TMEM132C: variants seen among roughly 807,000 people sequenced by gnomAD.
TMEM132C encodes the protein protein phosphatase 1, regulatory subunit 152.
Under a neutral mutation model 61.4 loss-of-function variants are expected in TMEM132C, and 29 were observed. That is an observed-to-expected ratio of 0.47 (90% CI 0.35 to 0.64). The LOEUF (loss-of-function observed/expected upper bound fraction) is 0.64. Among genes scored for constraint, TMEM132C ranks in the 30% least tolerant of loss-of-function variants. TMEM132C has a pLI of 0.00. For missense variants in TMEM132C, 1,408 were observed against 1,476.9 expected, an observed-to-expected ratio of 0.95 and a Z score of 0.76; for synonymous variants, 656 against 633.1, an observed-to-expected ratio of 1.04 and a Z score of -0.54.
chr12:128,591,417 C>A (rs552228631), intron 3 of TMEM132C, among the ~76,000 whole-genome samples: 1 of 152,104 alleles, frequency 6.6e-6, no homozygotes, highest in Non-Finnish European at 1.5e-5. Flanking sequence ...TCTGAGGGGT[C>A]GTCCATGCCT....
intron 4 of TMEM132C, among the ~76,000 whole-genome samples, chr12:128,619,528 AGG>A (rs1953937793): frequency 6.6e-6 from 1 of 152,174 alleles, no homozygotes; most frequent in Admixed American, 6.5e-5. Flanking sequence ...CTGATTCCCA[AGG>A]CCACCGTTTT....
In TMEM132C at chr12:128,699,590, T is replaced by C. The variant is rs533037504; in HGVS notation, c.2121+2175T>C. Among the ~76,000 whole-genome samples, 3 of 152,276 alleles carry C rather than the reference T, an allele frequency of 2.0e-5. No individual in the cohort carries two copies. In the East Asian group the frequency reaches 5.8e-4, roughly 29 times the overall value. The stretch of plus-strand genomic sequence containing the variant: ...TGGAGTCTTTCTCATGCTTCCAGTC[T>C]CTCCACCTTCCCCTTCTGTCACCAG... On this transcript the variant is annotated intron_variant, in intron 8 of 8. Coordinates refer to ENST00000435159, the MANE Select transcript of TMEM132C (RefSeq NM_001136103.3).
At chr12:128,487,767 T>G (rs1381174946) in intron 2 of TMEM132C, among the ~76,000 whole-genome samples, 1 of 152,048 alleles carries the variant, frequency 6.6e-6, no homozygotes, top group Non-Finnish European at 1.5e-5. Flanking sequence ...TGGGGCCCCT[T>G]CATAGTCAAG....
intron 3 of TMEM132C, among the ~76,000 whole-genome samples, chr12:128,566,105 G>T (rs1874689007): frequency 6.7e-6 from 1 of 148,276 alleles, no homozygotes; most frequent in African/African-American, 2.6e-5. Flanking sequence ...GGCCAGGCTG[G>T]TCCTGAACTC....
intron 1 of TMEM132C, among the ~76,000 whole-genome samples, chr12:128,315,335 G>A (rs1285291279): frequency 4.6e-5 from 7 of 152,130 alleles, no homozygotes; most frequent in Middle Eastern, 3.2e-3. Context: ...TGCTAAATGC[G>A]CATAATATTT....
At chr12:128,549,828 C>G (rs920965433) in intron 3 of TMEM132C, among the ~76,000 whole-genome samples, 1 of 152,038 alleles carries the variant, frequency 6.6e-6, no homozygotes, top group Non-Finnish European at 1.5e-5. Flanking sequence ...TCGAGGTAGA[C>G]ACAGTGAGCC....
intron 3 of TMEM132C, among the ~76,000 whole-genome samples, chr12:128,596,960 G>A (rs1461169119): frequency 6.6e-6 from 1 of 152,172 alleles, no homozygotes; most frequent in African/African-American, 2.4e-5. Context: ...TGTTAAGGAT[G>A]CTTTCAAGGC....
intron 3 of TMEM132C, among the ~76,000 whole-genome samples, chr12:128,567,951 C>G (rs1209495443): frequency 1.3e-5 from 2 of 152,144 alleles, no homozygotes; most frequent in African/African-American, 4.8e-5. Context: ...GCCACGTGGC[C>G]TAGAGATAGA....
intron 1 of TMEM132C, among the ~76,000 whole-genome samples, chr12:128,315,529 T>C (rs1319078777): frequency 6.6e-6 from 1 of 151,842 alleles, no homozygotes; most frequent in Admixed American, 6.6e-5. Context: ...ACCCAACTTT[T>C]TGGAAAAAAA....
intron 2 of TMEM132C, among the ~76,000 whole-genome samples, chr12:128,535,382 A>C (rs1265608253): frequency 1.4e-5 from 2 of 140,672 alleles, no homozygotes; most frequent in African/African-American, 5.0e-5. Context: ...GAACTCAAAC[A>C]AATTTACAAG....
At chr12:128,396,544 A>G (rs952878414) in intron 1 of TMEM132C, among the ~76,000 whole-genome samples, 1 of 152,188 alleles carries the variant, frequency 6.6e-6, no homozygotes, top group Non-Finnish European at 1.5e-5. Context: ...CACATTCTGC[A>G]CATGTATCTC....
intron 1 of TMEM132C, among the ~76,000 whole-genome samples, chr12:128,292,195 C>G (rs1871266514): frequency 6.6e-6 from 1 of 152,222 alleles, no homozygotes; most frequent in African/African-American, 2.4e-5. Context: ...GACAAAATAT[C>G]ACTTTTTTCT....
intron 3 of TMEM132C, among the ~76,000 whole-genome samples, chr12:128,576,229 G>T (rs1391605110): frequency 6.6e-6 from 1 of 151,860 alleles, no homozygotes; most frequent in Non-Finnish European, 1.5e-5. Flanking sequence ...ACTCCAGCCT[G>T]GGTACAGAGC....
intron 1 of TMEM132C, among the ~76,000 whole-genome samples, chr12:128,305,721 C>T (rs1871752669): frequency 6.6e-6 from 1 of 152,012 alleles, no homozygotes; most frequent in South Asian, 2.1e-4. Context: ...TTGCAAATCG[C>T]CTATTTTAAG....
intron 5 of TMEM132C, among the ~76,000 whole-genome samples, chr12:128,682,130 GA>G (rs770180120): frequency 5.9e-5 from 9 of 152,282 alleles, no homozygotes; most frequent in Non-Finnish European, 4.4e-5. Context: ...GAGAAGCTCT[GA>G]TTGGCTTAGG....
chr12:128,601,785 A>G (rs888317640), intron 3 of TMEM132C, among the ~76,000 whole-genome samples: 5 of 152,192 alleles, frequency 3.3e-5, no homozygotes, highest in Admixed American at 3.3e-4. Context: ...TTGCCTTTTA[A>G]TGGAAATAAC....
At chr12:128,533,943 GCACATA>G (rs1873420865) in intron 2 of TMEM132C, among the ~76,000 whole-genome samples, 2 of 105,336 alleles carry the variant, frequency 1.9e-5, no homozygotes, top group Non-Finnish European at 4.2e-5. Flanking sequence ...TCACACATGC[GCACATA>G]CACACACACA....
rs982579829 is a variant in TMEM132C, at chr12:128,699,756, T to C, written c.2121+2341T>C. Among the ~76,000 whole-genome samples, 5 of 152,350 alleles carry C rather than the reference T, an allele frequency of 3.3e-5. No homozygotes were observed. In the South Asian group the frequency reaches 1.0e-3, roughly 32 times the overall value. ...GCAGTCACTCATCCCATGCCCATGT[T>C]CTGGGAACTGGCGCAGAACATCTTT... On this transcript the variant is annotated intron_variant, in intron 8 of 8. Coordinates refer to ENST00000435159, the MANE Select transcript of TMEM132C (RefSeq NM_001136103.3).
chr12:128,276,937 C>G (rs1425664001), intron 1 of TMEM132C, among the ~76,000 whole-genome samples: 2 of 148,656 alleles, frequency 1.3e-5, no homozygotes, highest in East Asian at 4.1e-4. Flanking sequence ...AGTTTCTGGT[C>G]TTATCATTGA....
Sources: gnomAD v4.1 joint callset for allele counts (sites outside exome capture counted in the v4.1 genomes callset) on GRCh38, gnomAD v4.1.1 for gene constraint, MANE v1.5 for transcripts, NCBI Gene and HGNC (gene_info 2026-07-23, HGNC 2026-07-21) for gene names.